RASA2: variants seen among roughly 807,000 people sequenced by gnomAD.
RASA2 encodes the protein ras GTPase-activating protein 2.
A neutral mutation model predicts 118.2 loss-of-function variants in RASA2; 155 were observed. The ratio of observed to expected loss-of-function variants is 1.31; its 90% confidence interval spans 1.15 to 1.50. The LOEUF (loss-of-function observed/expected upper bound fraction) is 1.50, where lower values mean the gene tolerates loss of function less well. Ranked by LOEUF, RASA2 falls within the 40% of genes most tolerant of loss-of-function variation. The pLI, the probability that RASA2 is intolerant of heterozygous loss-of-function variation, is 0.00. For synonymous variants in RASA2, 353 were observed against 349.1 expected, an observed-to-expected ratio of 1.01 and a Z score of -0.12; for missense variants, 1,016 against 1,009.6, an observed-to-expected ratio of 1.01 and a Z score of -0.09.
At chr3:141,504,373 G>A (rs546522806) in intron 1 of RASA2, among the ~76,000 whole-genome samples, 2 of 152,276 alleles carry the variant, frequency 1.3e-5, no homozygotes, top group South Asian at 2.1e-4. Context: ...AGGCATCTCA[G>A]ATTTAATATT....
intron 19 of RASA2, 28 bp downstream of exon 19, chr3:141,586,780 G>A (rs749654551): frequency 1.3e-6 from 2 of 1,548,966 alleles, no homozygotes; most frequent in Admixed American, 1.7e-5. Flanking sequence ...TTATTGTGGG[G>A]TTTTTCCTGG....
intron 5 of RASA2, among the ~76,000 whole-genome samples, chr3:141,544,668 G>GT (rs1243609744): frequency 6.6e-6 from 1 of 151,782 alleles, no homozygotes; most frequent in Non-Finnish European, 1.5e-5. Flanking sequence ...AGACTTTCTT[G>GT]TTTTTTTGTT....
intron 19 of RASA2, among the ~76,000 whole-genome samples, chr3:141,590,299 C>T (rs1176876233): frequency 6.6e-6 from 1 of 152,214 alleles, no homozygotes; most frequent in East Asian, 1.9e-4. Flanking sequence ...CCTTGGACTG[C>T]TGTGCTTTTT....
Position 141,573,138 on chromosome 3 carries a change from A to G in RASA2, c.1285-9A>G, listed in dbSNP as rs750047468. ...AAAAAAATCATTAACTGAAAAATTT[A>G]TTTTTCAGATATGTGACTCCTCAAA... On this transcript the variant is annotated splice_polypyrimidine_tract_variant and intron_variant, in intron 12 of 23. Coordinates refer to ENST00000286364, the MANE Select transcript of RASA2 (RefSeq NM_006506.5). 1.3e-6 allele frequency: 2 copies of G among 1,552,676 alleles called. No homozygotes were observed. Among genetic ancestry groups the G allele is most frequent in the African/African-American group, 2.8e-5 (2 of 70,432 alleles).
rs552040744 is a variant in RASA2, at chr3:141,588,876, C to CT, written c.1933+2125dup. On this transcript the variant is annotated intron_variant, in intron 19 of 23. Coordinates refer to ENST00000286364, the MANE Select transcript of RASA2 (RefSeq NM_006506.5). ...TTTTTTTTTGAGATGGATTCTCACT[C>CT]TGTCACCCAGACTGGAGGGCAGTGG... 4.3e-3 allele frequency among the ~76,000 whole-genome samples: 648 copies of CT among 151,352 alleles called. 1 individual carries two copies. Among genetic ancestry groups the CT allele is most frequent in the Non-Finnish European group, 7.3e-3 (494 of 67,944 alleles).
intron 3 of RASA2, among the ~76,000 whole-genome samples, chr3:141,519,495 C>A (rs1489609248): frequency 2.0e-5 from 3 of 152,108 alleles, no homozygotes; most frequent in Non-Finnish European, 4.4e-5. Flanking sequence ...GATATGTTAA[C>A]TTTTGTCAGC....
intron 1 of RASA2, among the ~76,000 whole-genome samples, chr3:141,503,073 G>A (rs2081808251): frequency 6.6e-6 from 1 of 152,078 alleles, no homozygotes; most frequent in Admixed American, 6.5e-5. Context: ...TATCTCACAG[G>A]GTTGTCGTAC....
At chr3:141,509,488 ATATGGAGCATATTTAT>A (rs892795661) in intron 1 of RASA2, among the ~76,000 whole-genome samples, 5 of 152,232 alleles carry the variant, frequency 3.3e-5, no homozygotes, top group African/African-American at 1.2e-4. Flanking sequence ...TCCCAATTAG[ATATGGAGCATATTTAT>A]TATGGAGCAT....
intron 3 of RASA2, 80 bp from the exon 4 acceptor site, chr3:141,529,628 G>A: frequency 1.1e-6 from 1 of 882,468 alleles, no homozygotes; most frequent in Non-Finnish European, 1.7e-6. Flanking sequence ...TTTCTATAAA[G>A]TATTATATAA....
At chr3:141,515,429 A>C (rs963229727) in intron 2 of RASA2, among the ~76,000 whole-genome samples, 1 of 152,112 alleles carries the variant, frequency 6.6e-6, no homozygotes, top group African/African-American at 2.4e-5. Context: ...TGTATCTTCT[A>C]TCCACAGGAC....
Position 141,586,018 on chromosome 3 carries a change from C to T in RASA2, c.1753-7C>T. The T allele has an allele frequency of 6.2e-7, 1 of 1,602,764 alleles. No homozygotes were observed. Among genetic ancestry groups the T allele is most frequent in the Non-Finnish European group, 8.5e-7 (1 of 1,170,422 alleles). On this transcript the variant is annotated splice_polypyrimidine_tract_variant and splice_region_variant and intron_variant, in intron 17 of 23. Transcript: ENST00000286364. ...ACAGTGTAATATTTGCCCATTTCCC[C>T]ATTTAGTTCTTGGATGAAATTTCAT... is the stretch of plus-strand genomic sequence containing the variant.
chr3:141,565,229 C>A lies in RASA2; in HGVS notation c.863+5234C>A, dbSNP rs535584999. Among the ~76,000 whole-genome samples, 3 of 150,438 alleles carry A rather than the reference C, an allele frequency of 2.0e-5. No individual in the cohort carries two copies. In the South Asian group the frequency reaches 6.2e-4, roughly 31 times the overall value. ...CGAACTCCTGACCTCAGGTGATCCA[C>A]CCGCCTTGGCCTCCCAAAGTGCTGG... On this transcript the variant is annotated intron_variant, in intron 9 of 23. Transcript: ENST00000286364.
intron 1 of RASA2, among the ~76,000 whole-genome samples, chr3:141,493,258 G>A (rs1375974350): frequency 6.6e-6 from 1 of 152,184 alleles, no homozygotes; most frequent in African/African-American, 2.4e-5. Flanking sequence ...TTTTCACTGT[G>A]CCGTCTACAC....
At chr3:141,504,992 T>C (rs958151394) in intron 1 of RASA2, among the ~76,000 whole-genome samples, 1 of 152,208 alleles carries the variant, frequency 6.6e-6, no homozygotes, top group Non-Finnish European at 1.5e-5. Flanking sequence ...CTCAATGACT[T>C]CCTTCAGGTA....
At chr3:141,555,192 G>A (rs755202122) in intron 6 of RASA2, among the ~76,000 whole-genome samples, 15 of 152,254 alleles carry the variant, frequency 9.9e-5, no homozygotes, top group Non-Finnish European at 1.9e-4. Flanking sequence ...ACCCTGAGGC[G>A]AAGGTTATGG....
At chr3:141,570,859 C>T (rs1015655407) in intron 9 of RASA2, 53 bp from the exon 10 acceptor site, 2 of 1,516,046 alleles carry the variant, frequency 1.3e-6, no homozygotes, top group Non-Finnish European at 1.8e-6. Flanking sequence ...TAACTTGCCT[C>T]ATTGGCTTGA....
At chr3:141,609,349 C>A in intron 21 of RASA2, 71 bp from the exon 22 acceptor site, 1 of 907,042 alleles carries the variant, frequency 1.1e-6, no homozygotes, top group Non-Finnish European at 1.6e-6. Flanking sequence ...AGTCTCAAAC[C>A]ATCAGAAGTC....
intron 1 of RASA2, among the ~76,000 whole-genome samples, chr3:141,497,319 A>G (rs890931542): frequency 3.6e-5 from 5 of 137,248 alleles, no homozygotes; most frequent in African/African-American, 1.1e-4. Context: ...CGTAAAGTAT[A>G]ATAAAAAAAA....
chr3:141,556,036 C>T, intron 7 of RASA2, 124 bp downstream of exon 7: 2 of 740,162 alleles, frequency 2.7e-6, no homozygotes, highest in Non-Finnish European at 4.4e-6. Context: ...GCATTTCTCT[C>T]CTGAAAGCAG....
Sources: allele counts gnomAD v4.1 joint callset (sites outside exome capture counted in the v4.1 genomes callset), GRCh38; gene constraint gnomAD v4.1.1; transcripts MANE v1.5; gene names NCBI Gene and HGNC (gene_info 2026-07-23, HGNC 2026-07-21).